Variants in NEK8 observed in about 807,000 individuals in gnomAD.
NEK8 encodes the protein NIMA related kinase 8, also known as serine/threonine-protein kinase Nek8.
NEK8 carries 51 observed loss-of-function variants against 77.2 expected under a neutral mutation model. The observed-to-expected ratio is 0.66, with a 90% CI of 0.53 to 0.83. NEK8 has a LOEUF of 0.83. Ranked by LOEUF, NEK8 falls within the 40% of genes least tolerant of loss-of-function variation. NEK8 has a pLI of 0.00. For missense variants in NEK8, 787 were observed against 909.2 expected (o/e 0.87, Z 1.73); for synonymous variants, 365 against 363.2 (o/e 1.00, Z -0.06).
At position 28,741,553 on chromosome 17, in the gene NEK8, A is replaced by G; in HGVS notation, c.2032A>G (p.Thr678Ala). The G allele has an allele frequency of 1.9e-6, 3 of 1,613,876 alleles. No individual in the cohort carries two copies. Among genetic ancestry groups the G allele is most frequent in the Non-Finnish European group, 2.5e-6 (3 of 1,179,972 alleles). Residue 678 changes from threonine (T) to alanine (A), a missense_variant, in exon 14 of 15, where the codon ACC becomes GCC. Physicochemically the swap from Thr to Ala is moderately conservative, Grantham distance 58. This residue lies in a region of NEK8 where 516 missense variants were observed against 544.0 expected (regional missense o/e 0.95). Transcript: ENST00000268766. This position sits in a 1 kb window ranked among gnomAD's most constrained non-coding sequence, Gnocchi z 4.5. ...TTCCGTGTCCTGTTGCCATGGAAAC[A>G]CCCTCCTGGCTGTTCGATGTGAGTT... ...VTSVSCCHGN[T>A]LLAVRSVTDE... is the part of the protein sequence containing the mutation.
At chr17:28,738,053 G>A (rs767840061) in intron 7 of NEK8, 42 bp from the exon 8 acceptor site, 4 of 1,613,010 alleles carry the variant, frequency 2.5e-6, no homozygotes, top group East Asian at 4.5e-5. Context: ...TCCACAGCAG[G>A]GTTGGGGTGC....
At position 28,741,073 on chromosome 17, in the gene NEK8, C is replaced by T. The variant is rs987650048; in HGVS notation, c.1733-5C>T. 10 of 1,614,094 alleles carry T rather than the reference C, an allele frequency of 6.2e-6. No homozygotes were observed. Among genetic ancestry groups the T allele is most frequent in the South Asian group, 1.1e-5 (1 of 91,092 alleles). On this transcript the variant is annotated splice_region_variant and splice_polypyrimidine_tract_variant and intron_variant, in intron 12 of 14. Transcript: ENST00000268766. This position sits in a 1 kb window ranked among gnomAD's most constrained non-coding sequence, Gnocchi z 4.5. ...AAGCACCCCTTTCCTTCCTCTCCCC[C>T]ATAGCCTCGGGTGATTGCTACACTT...
At chr17:28,731,296 T>C (rs1486822276) in intron 1 of NEK8, among the ~76,000 whole-genome samples, 5 of 151,790 alleles carry the variant, frequency 3.3e-5, no homozygotes, top group African/African-American at 1.2e-4. Flanking sequence ...TCCCAGCACT[T>C]TGGGAGGCCG....
chr17:28,732,415 A>C (rs1264824187), intron 1 of NEK8, among the ~76,000 whole-genome samples: 1 of 152,080 alleles, frequency 6.6e-6, no homozygotes, highest in Non-Finnish European at 1.5e-5. Context: ...AGAAATTATG[A>C]TGACTATAGG....
At chr17:28,735,561 C>CG (rs2034356339) in intron 4 of NEK8, among the ~76,000 whole-genome samples, 190 bp downstream of exon 4, 1 of 152,084 alleles carries the variant, frequency 6.6e-6, no homozygotes, top group African/African-American at 2.4e-5. Flanking sequence ...TCCCATTAGA[C>CG]GGAGGGCTCC....
chr17:28,728,988 A>T, intron 1 of NEK8, 128 bp downstream of exon 1: 1 of 857,510 alleles, frequency 1.2e-6, no homozygotes, highest in South Asian at 1.5e-5. Flanking sequence ...AGCCCCGCCC[A>T]AGCTTCCGGT....
chr17:28,734,836 G>T lies in NEK8; in HGVS notation c.318G>T (p.Leu106=), dbSNP rs773103108. Residue 106 remains leucine, a synonymous_variant, in exon 3 of 15, where the codon CTG becomes CTT. Coordinates refer to ENST00000268766, the MANE Select transcript of NEK8 (RefSeq NM_178170.3). ...CCCTGCTGGAGGAGGAGACCATCCT[G>T]CACTTCTTCGTGCAGATCCTGCTTG... ...CNSLLEEETI[L]HFFVQILLAL... 6.2e-7 allele frequency: 1 copy of T among 1,613,864 alleles called. No homozygotes were observed. The highest frequency in any genetic ancestry group is 8.5e-7 in the Non-Finnish European group (1 of 1,180,026).
In NEK8 at chr17:28,737,636, A is replaced by G. The variant is rs764043852; in HGVS notation, c.828-39A>G. 8 of 1,614,144 alleles carry G rather than the reference A, an allele frequency of 5.0e-6. No homozygotes were observed. In the East Asian group the frequency reaches 1.8e-4, roughly 36 times the overall value. ...CTCCCTTCCTGCATGTAGGAATGTC[A>G]GGAGGGTCTTTGTCCTTAGGCCCCC... On this transcript the variant is annotated intron_variant, in intron 5 of 14. Coordinates refer to ENST00000268766, the MANE Select transcript of NEK8 (RefSeq NM_178170.3). The surrounding 1 kb of genome is among the most constrained non-coding windows in gnomAD (Gnocchi z 4.8).
rs567544609 is a variant in NEK8, at chr17:28,742,084, T to C, written c.*97T>C. The C allele has an allele frequency of 2.3e-5, 28 of 1,228,430 alleles. No homozygotes were observed. The African/African-American group carries it at 3.6e-4, about 16-fold the overall frequency. 76.1% of individuals were successfully genotyped at this position (1,228,430 alleles called of 1,614,324 possible). A position where few individuals can be genotyped will look rare whatever the true frequency, so the allele number is the denominator to read the frequency against. Reference sequence around the variant, plus strand: ...CAAGGCATGACTTGCAGCTGTCTCCTGGATTGTGTCATCATGGGGTATCAG... The same window carrying C: ...CAAGGCATGACTTGCAGCTGTCTCCCGGATTGTGTCATCATGGGGTATCAG... On this transcript the variant is annotated 3_prime_UTR_variant, in exon 15 of 15. Transcript: ENST00000268766.
At chr17:28,728,918 TCCGCCCGCGAAGTCG>T in intron 1 of NEK8, 58 bp downstream of exon 1, 1 of 1,463,390 alleles carries the variant, frequency 6.8e-7, no homozygotes, top group Non-Finnish European at 9.4e-7. Context: ...AAGCCCCAAT[TCCGCCCGCGAAGTCG>T]CCGCCCGCCT....
chr17:28,741,661 C>A lies in NEK8; in HGVS notation c.2050+90C>A. On this transcript the variant is annotated intron_variant, in intron 14 of 14. Transcript: ENST00000268766. This position sits in a 1 kb window ranked among gnomAD's most constrained non-coding sequence, Gnocchi z 4.5. ...CAGTGTTCACAGATGGCCACATCAC[C>A]AAAAGCATCTTTAGCCCCCAGATAA... is the stretch of plus-strand genomic sequence containing the variant. 2.1e-6 allele frequency: 3 copies of A among 1,398,592 alleles called. No homozygotes were observed. Among genetic ancestry groups the A allele is most frequent in the Non-Finnish European group, 3.0e-6 (3 of 987,762 alleles). The allele number at this position is 1,398,592 out of a possible 1,614,324, so 86.6% of individuals were successfully genotyped here. A position where few individuals can be genotyped will look rare whatever the true frequency, so the allele number is the denominator to read the frequency against.
intron 1 of NEK8, among the ~76,000 whole-genome samples, chr17:28,733,644 C>G (rs1304642688): frequency 1.3e-5 from 2 of 152,188 alleles, no homozygotes; most frequent in Non-Finnish European, 1.5e-5. Flanking sequence ...TCTCAACAAC[C>G]CTGGGAGGCC....
chr17:28,733,854 C>A, intron 1 of NEK8, 129 bp from the exon 2 acceptor site: 2 of 755,356 alleles, frequency 2.6e-6, no homozygotes, highest in Non-Finnish European at 4.6e-6. Context: ...GTGTTCTGTG[C>A]GCTTGGTTAG....
chr17:28,738,901 G>A lies in NEK8; in HGVS notation c.1299+154G>A, dbSNP rs1267753034. Among the ~76,000 whole-genome samples, 3 of 152,212 alleles carry A rather than the reference G, an allele frequency of 2.0e-5. No homozygotes were observed. In the East Asian group the frequency reaches 5.8e-4, roughly 29 times the overall value. On this transcript the variant is annotated intron_variant, in intron 9 of 14. Transcript: ENST00000268766. ...ACCTGCTCTGGGCCACCTACATCGGGGAAAGTACAGAAAAACCAGGCTTCC... is the reference window on the plus strand; with the variant it reads ...ACCTGCTCTGGGCCACCTACATCGGAGAAAGTACAGAAAAACCAGGCTTCC...
In NEK8 at chr17:28,741,205, T is replaced by C. The variant is rs1309585900; in HGVS notation, c.1860T>C (p.Cys620=). 3.1e-6 allele frequency: 5 copies of C among 1,610,600 alleles called. No homozygotes were observed. In the African/African-American group the frequency reaches 6.7e-5, roughly 22 times the overall value. ...LEGIKMAMVA[C]GDAFTVAIGA... is the part of the protein sequence containing the mutation. ...GCATCAAGATGGCAATGGTAGCCTG[T>C]GGGGATGCCTTCACTGTAGCTATTG... Residue 620 remains cysteine (C), a synonymous_variant, in exon 13 of 15, where the codon TGT becomes TGC. Transcript: ENST00000268766. The surrounding 1 kb of genome is among the most constrained non-coding windows in gnomAD (Gnocchi z 4.5).
At chr17:28,731,749 G>T (rs967047230) in intron 1 of NEK8, among the ~76,000 whole-genome samples, 15 of 136,020 alleles carry the variant, frequency 1.1e-4, no homozygotes, top group Non-Finnish European at 1.9e-4. Flanking sequence ...AACTACAGGC[G>T]CCCGCCACCA....
At chr17:28,731,316 G>A (rs2151730669) in intron 1 of NEK8, among the ~76,000 whole-genome samples, 1 of 152,016 alleles carries the variant, frequency 6.6e-6, no homozygotes, top group East Asian at 2.0e-4. Context: ...GAGGCGGGCA[G>A]GTCACGAGGT....
chr17:28,737,196 A>G lies in NEK8; in HGVS notation c.619-110A>G. ...TAGCCTTGTAGTATAGTTTGAAGTC[A>G]GGTAGCATGATGCCTCCAGGCAAAG... On this transcript the variant is annotated intron_variant, in intron 4 of 14. Coordinates refer to ENST00000268766, the MANE Select transcript of NEK8 (RefSeq NM_178170.3). The surrounding 1 kb of genome is among the most constrained non-coding windows in gnomAD (Gnocchi z 4.8). 9.0e-7 allele frequency: 1 copy of G among 1,109,524 alleles called. No individual in the cohort carries two copies. Among genetic ancestry groups the G allele is most frequent in the South Asian group, 1.3e-5 (1 of 74,662 alleles). 68.7% of individuals were successfully genotyped at this position (1,109,524 alleles called of 1,614,324 possible). A position where few individuals can be genotyped will look rare whatever the true frequency, so the allele number is the denominator to read the frequency against.
rs2034412533 is a variant in NEK8, at chr17:28,740,746, G to A, written c.1569-76G>A. The A allele has an allele frequency of 1.3e-6, 2 of 1,588,492 alleles. No individual in the cohort carries two copies. The highest frequency in any genetic ancestry group is 1.7e-6 in the Non-Finnish European group (2 of 1,158,636). On this transcript the variant is annotated intron_variant, in intron 11 of 14. Transcript: ENST00000268766. The surrounding 1 kb of genome is among the most constrained non-coding windows in gnomAD (Gnocchi z 4.7). ...GGGTGCTATTGGTTCAACCCAGGGT[G>A]GGATCTGTCTCCTGGTGCACCAGCT...
Sources: gnomAD v4.1 joint callset for allele counts (sites outside exome capture counted in the v4.1 genomes callset) on GRCh38, gnomAD v4.1.1 for gene constraint, gnomAD v4.1.1 regional missense constraint, Gnocchi (gnomAD v3.1) non-coding constraint, MANE v1.5 for transcripts, NCBI Gene and HGNC (gene_info 2026-07-23, HGNC 2026-07-21) for gene names.